Variants in ASCC1 observed in about 807,000 individuals in gnomAD.
ASCC1 encodes ASC-1 complex subunit P50.
In ASCC1, 35 loss-of-function variants were observed where a neutral mutation model predicts 46.6. The observed-to-expected ratio is 0.75, with a 90% CI of 0.57 to 0.99. ASCC1 has a LOEUF of 0.99. Ranked by LOEUF, ASCC1 falls within the 50% of genes least tolerant of loss-of-function variation. The probability of loss-of-function intolerance (pLI) is 0.00; values close to 1 mark genes in which losing one functional copy is unlikely to be tolerated. For synonymous variants in ASCC1, 143 were observed against 146.6 expected, an observed-to-expected ratio of 0.98 and a Z score of 0.18; for missense variants, 376 against 428.7, an observed-to-expected ratio of 0.88 and a Z score of 1.09.
chr10:72,208,131 T>A (rs1367222309), intron 3 of ASCC1, among the ~76,000 whole-genome samples: 1 of 151,962 alleles, frequency 6.6e-6, no homozygotes, highest in Non-Finnish European at 1.5e-5. Context: ...CACCCAGCCT[T>A]CCGAGTAAAT....
intron 5 of ASCC1, among the ~76,000 whole-genome samples, chr10:72,172,706 A>G (rs900974890): frequency 5.8e-5 from 8 of 138,612 alleles, no homozygotes; most frequent in Non-Finnish European, 9.2e-5. Flanking sequence ...TATAATATAT[A>G]TATTATATAT....
chr10:72,135,401 A>T (rs1178458072), intron 7 of ASCC1, among the ~76,000 whole-genome samples: 1 of 152,216 alleles, frequency 6.6e-6, no homozygotes, highest in Non-Finnish European at 1.5e-5. Flanking sequence ...GGTCTCCCTA[A>T]TAAAGTGACA....
intron 7 of ASCC1, among the ~76,000 whole-genome samples, chr10:72,140,419 T>C (rs1022195439): frequency 6.6e-6 from 1 of 152,088 alleles, no homozygotes; most frequent in Non-Finnish European, 1.5e-5. Flanking sequence ...AGACTGAGGA[T>C]TATGAATTCA....
intron 3 of ASCC1, among the ~76,000 whole-genome samples, chr10:72,209,576 T>C (rs7906822): frequency 1.3e-5 from 2 of 151,568 alleles, no homozygotes; most frequent in African/African-American, 2.4e-5. Context: ...CTGAGGTCAG[T>C]AGTTCGAGAC....
chr10:72,123,532 T>C (rs1844481577), intron 9 of ASCC1, among the ~76,000 whole-genome samples: 1 of 152,082 alleles, frequency 6.6e-6, no homozygotes, highest in African/African-American at 2.4e-5. Context: ...TGTGCAGGGA[T>C]GGGGGCATTT....
chr10:72,156,853 T>C (rs1849042996), intron 6 of ASCC1, among the ~76,000 whole-genome samples: 1 of 151,966 alleles, frequency 6.6e-6, no homozygotes, highest in Admixed American at 6.6e-5. Context: ...TGTCTTGACA[T>C]TGAACCCAGG....
intron 7 of ASCC1, among the ~76,000 whole-genome samples, chr10:72,152,600 G>T (rs1389677385): frequency 6.6e-6 from 1 of 152,142 alleles, no homozygotes; most frequent in Non-Finnish European, 1.5e-5. Flanking sequence ...AGAGGCTGAA[G>T]CAGAAGGATC....
At chr10:72,194,440 T>C (rs1021395569) in intron 5 of ASCC1, among the ~76,000 whole-genome samples, 1 of 151,558 alleles carries the variant, frequency 6.6e-6, no homozygotes, top group Non-Finnish European at 1.5e-5. Context: ...AAGAAAACTC[T>C]AGTTTGGAGC....
At chr10:72,172,940 T>C (rs904461370) in intron 5 of ASCC1, among the ~76,000 whole-genome samples, 4 of 138,776 alleles carry the variant, frequency 2.9e-5, no homozygotes, top group African/African-American at 1.1e-4. Flanking sequence ...ATATTTTATA[T>C]TATATATTAT....
At chr10:72,205,877 G>C (rs750078823) in intron 3 of ASCC1, among the ~76,000 whole-genome samples, 1 of 152,054 alleles carries the variant, frequency 6.6e-6, no homozygotes, top group Non-Finnish European at 1.5e-5. Context: ...GCCAAGGTGG[G>C]TGGATCACCT....
intron 4 of ASCC1, 138 bp downstream of exon 4, chr10:72,203,286 CAAA>C (rs372727374): frequency 2.1e-3 from 1,200 of 563,892 alleles, no homozygotes; most frequent in Admixed American, 2.6e-3. Context: ...AACTCCGTCT[CAAA>C]AAAAAAAAAA....
At chr10:72,135,287 G>A (rs1446255312) in intron 7 of ASCC1, among the ~76,000 whole-genome samples, 2 of 152,146 alleles carry the variant, frequency 1.3e-5, no homozygotes, top group Non-Finnish European at 2.9e-5. Flanking sequence ...AAACACACAC[G>A]CACACCTCTG....
intron 9 of ASCC1, among the ~76,000 whole-genome samples, chr10:72,108,389 G>A (rs1436484706): frequency 1.3e-5 from 2 of 152,140 alleles, no homozygotes; most frequent in African/African-American, 2.4e-5. Context: ...ACACTCCTAA[G>A]TTGGAAAGGA....
chr10:72,139,752 T>G (rs1048307991), intron 7 of ASCC1, among the ~76,000 whole-genome samples: 2 of 152,190 alleles, frequency 1.3e-5, no homozygotes, highest in Non-Finnish European at 2.9e-5. Context: ...AATTTCAAGC[T>G]TTTGTTTGGG....
intron 9 of ASCC1, among the ~76,000 whole-genome samples, chr10:72,122,196 G>A (rs1014784838): frequency 6.6e-6 from 1 of 152,210 alleles, no homozygotes; most frequent in Admixed American, 6.5e-5. Context: ...CAAGGTGGGC[G>A]GATCACAACA....
At chr10:72,213,519 C>A (rs1242582486) in intron 1 of ASCC1, among the ~76,000 whole-genome samples, 188 bp from the exon 2 acceptor site, 1 of 151,174 alleles carries the variant, frequency 6.6e-6, no homozygotes, top group Non-Finnish European at 1.5e-5. Context: ...TTTTCTACCA[C>A]ACTGGCTCAC....
intron 6 of ASCC1, chr10:72,158,941 C>T (rs1353800795): frequency 6.6e-6 from 1 of 152,170 alleles, no homozygotes; most frequent in Non-Finnish European, 1.5e-5. Context: ...TACTGATTTA[C>T]TTACCAGAGA....
At chr10:72,137,527 CAAA>C (rs397956947) in intron 7 of ASCC1, among the ~76,000 whole-genome samples, 3 of 76,126 alleles carry the variant, frequency 3.9e-5, no homozygotes, top group Non-Finnish European at 7.5e-5. Context: ...GACTCCATCT[CAAA>C]AAAAAAAAAA....
chr10:72,159,377 T>C (rs537451055), intron 6 of ASCC1: 2 of 152,316 alleles, frequency 1.3e-5, no homozygotes, highest in East Asian at 1.9e-4. Flanking sequence ...AGCTAAATCT[T>C]TGCATAGCTT....
Sources: gnomAD v4.1 joint callset for allele counts (sites outside exome capture counted in the v4.1 genomes callset) on GRCh38, gnomAD v4.1.1 for gene constraint, MANE v1.5 for transcripts, NCBI Gene and HGNC (gene_info 2026-07-23, HGNC 2026-07-21) for gene names.